The following FSTL5 variants were observed in gnomAD, a reference collection of about 807,000 sequenced individuals.
The protein encoded by FSTL5 is follistatin-related protein 5.
A neutral mutation model predicts 89.1 loss-of-function variants in FSTL5; 62 were observed. The ratio of observed to expected loss-of-function variants is 0.70; its 90% CI spans 0.57 to 0.86. The LOEUF (loss-of-function observed/expected upper bound fraction) is 0.86, where lower values mean the gene tolerates loss of function less well. Ranked by LOEUF, FSTL5 falls within the 40% of genes least tolerant of loss-of-function variation. The pLI is 0.00. For synonymous variants in FSTL5, 383 were observed against 346.2 expected (o/e 1.11, Z -1.18); for missense variants, 1,057 against 1,001.6 (o/e 1.06, Z -0.75).
intron 2 of FSTL5, among the ~76,000 whole-genome samples, chr4:162,034,540 G>A (rs1472839324): frequency 2.6e-5 from 4 of 151,970 alleles, no homozygotes; most frequent in East Asian, 1.9e-4. Context: ...ATTAGTTACC[G>A]GGCAACCCCA....
At chr4:161,975,795 AAAATAAAAAAT>A (rs1560947034) in intron 3 of FSTL5, among the ~76,000 whole-genome samples, 1 of 148,100 alleles carries the variant, frequency 6.8e-6, no homozygotes, top group East Asian at 1.9e-4. Context: ...AAAATAAAAT[AAAATAAAAAAT>A]AAATAAAAAA....
At chr4:162,071,187 C>T (rs1482923374) in intron 2 of FSTL5, among the ~76,000 whole-genome samples, 1 of 151,560 alleles carries the variant, frequency 6.6e-6, no homozygotes, top group Non-Finnish European at 1.5e-5. Flanking sequence ...AAAATATAGA[C>T]TGGCTGAATT....
In FSTL5 at chr4:162,059,020, A is replaced by C. The variant is rs114362736; in HGVS notation, c.127-25362T>G. On this transcript the variant is annotated intron_variant, in intron 2 of 15. Coordinates refer to ENST00000306100, the MANE Select transcript of FSTL5 (RefSeq NM_020116.5). ...TTCCAAATTTTAGAAAAGAAATACC[A>C]TTTCAAAATAATGGAGGAAACTTTA... is the stretch of plus-strand genomic sequence containing the variant. Among the ~76,000 whole-genome samples the C allele has an allele frequency of 5.4e-3, 821 of 152,330 alleles. 10 individuals are homozygous for C. Among genetic ancestry groups the C allele is most frequent in the African/African-American group, 0.019 (777 of 41,574 alleles).
At chr4:161,554,465 C>T (rs79957666) in intron 8 of FSTL5, among the ~76,000 whole-genome samples, 11,312 of 151,444 alleles carry the variant, frequency 0.075, 524 homozygotes, top group Middle Eastern at 0.17. Flanking sequence ...ACTGATCTTT[C>T]TTTAGAAGTT....
rs958613269 is a variant in FSTL5, at chr4:161,821,409, A to T, written c.410-45335T>A. Among the ~76,000 whole-genome samples the T allele has an allele frequency of 6.6e-5, 10 of 152,094 alleles. No individual in the cohort carries two copies. The South Asian group carries it at 8.4e-4, about 13-fold the overall frequency. On this transcript the variant is annotated intron_variant, in intron 4 of 15. Coordinates refer to ENST00000306100, the MANE Select transcript of FSTL5 (RefSeq NM_020116.5). ...TTCCATACTAAGTTCTTATTTGATT[A>T]AAAAAAAGTTCTTTATTATTATTTT...
At chr4:162,128,001 T>C (rs1167505327) in intron 1 of FSTL5, among the ~76,000 whole-genome samples, 1 of 152,172 alleles carries the variant, frequency 6.6e-6, no homozygotes, top group African/African-American at 2.4e-5. Context: ...AAAACTATGG[T>C]CCAAATAGTT....
At chr4:161,441,746 T>C (rs899269891) in intron 15 of FSTL5, among the ~76,000 whole-genome samples, 1 of 152,100 alleles carries the variant, frequency 6.6e-6, no homozygotes, top group Non-Finnish European at 1.5e-5. Flanking sequence ...GAATCATAAG[T>C]TTCCATCAAA....
intron 3 of FSTL5, among the ~76,000 whole-genome samples, chr4:161,958,293 T>C (rs1735078804): frequency 1.3e-5 from 2 of 152,152 alleles, no homozygotes; most frequent in African/African-American, 4.8e-5. Flanking sequence ...CTACTAATTC[T>C]ATCATTGCTG....
At chr4:162,097,081 C>T (rs1288974420) in intron 2 of FSTL5, among the ~76,000 whole-genome samples, 3 of 151,700 alleles carry the variant, frequency 2.0e-5, no homozygotes, top group South Asian at 2.1e-4. Flanking sequence ...TATTGCTTTT[C>T]CTAGAGATTT....
intron 7 of FSTL5, among the ~76,000 whole-genome samples, chr4:161,598,441 G>C (rs961972370): frequency 2.3e-4 from 35 of 152,062 alleles, no homozygotes; most frequent in African/African-American, 8.5e-4. Flanking sequence ...AGTTGATTTA[G>C]ATTTGTAAGA....
chr4:161,942,879 G>A lies in FSTL5; in HGVS notation c.161-22227C>T, dbSNP rs545496781. Among the ~76,000 whole-genome samples the A allele has an allele frequency of 2.0e-4, 31 of 152,216 alleles. No homozygotes were observed. In the South Asian group the frequency reaches 6.4e-3, roughly 32 times the overall value. ...AGGCACTTAAATTGGAAAGGAAGAA[G>A]TAAAACTGTCATTATTCACATATGA... is the stretch of plus-strand genomic sequence containing the variant. On this transcript the variant is annotated intron_variant, in intron 3 of 15. Transcript: ENST00000306100.
At chr4:162,156,384 AT>A (rs1393025192) in intron 1 of FSTL5, among the ~76,000 whole-genome samples, 3 of 152,202 alleles carry the variant, frequency 2.0e-5, no homozygotes, top group African/African-American at 7.2e-5. Flanking sequence ...CAATAATGCG[AT>A]TACTGGGTAG....
At chr4:161,793,548 AT>A (rs1166299954) in intron 4 of FSTL5, among the ~76,000 whole-genome samples, 4 of 152,022 alleles carry the variant, frequency 2.6e-5, no homozygotes, top group African/African-American at 9.6e-5. Flanking sequence ...ATGGATTGGA[AT>A]TTTTTTCTTT....
At chr4:161,909,457 A>G (rs561589242) in intron 4 of FSTL5, among the ~76,000 whole-genome samples, 1 of 152,160 alleles carries the variant, frequency 6.6e-6, no homozygotes, top group South Asian at 2.1e-4. Context: ...TGTCACTTTA[A>G]ATTTGTGAAC....
At chr4:161,412,993 T>C (rs1471596642) in intron 15 of FSTL5, among the ~76,000 whole-genome samples, 2 of 152,084 alleles carry the variant, frequency 1.3e-5, no homozygotes, top group African/African-American at 4.8e-5. Context: ...CTTCTCAACA[T>C]TGGCCTTGAC....
intron 4 of FSTL5, among the ~76,000 whole-genome samples, chr4:161,782,282 T>C (rs764774250): frequency 6.6e-6 from 1 of 152,182 alleles, no homozygotes; most frequent in African/African-American, 2.4e-5. Context: ...CTGCATGATA[T>C]GGTAAGAATA....
At chr4:161,801,258 C>G (rs191744410) in intron 4 of FSTL5, among the ~76,000 whole-genome samples, 7 of 151,558 alleles carry the variant, frequency 4.6e-5, no homozygotes, top group African/African-American at 1.4e-4. Flanking sequence ...CCTATATGAA[C>G]TATATTATTT....
chr4:162,000,700 CT>C (rs1439207431), intron 3 of FSTL5, among the ~76,000 whole-genome samples: 2 of 152,070 alleles, frequency 1.3e-5, no homozygotes, highest in African/African-American at 2.4e-5. Context: ...AAAATTACCT[CT>C]GTACAATGAC....
chr4:161,975,216 C>T (rs544014084), intron 3 of FSTL5, among the ~76,000 whole-genome samples: 23 of 135,660 alleles, frequency 1.7e-4, no homozygotes, highest in Non-Finnish European at 2.7e-4. Flanking sequence ...GGATCTAGAA[C>T]TAGAAATACC....
Sources: gnomAD v4.1 joint callset for allele counts (sites outside exome capture counted in the v4.1 genomes callset) on GRCh38, gnomAD v4.1.1 for gene constraint, MANE v1.5 for transcripts, NCBI Gene and HGNC (gene_info 2026-07-23, HGNC 2026-07-21) for gene names.